The following ALPL variants were observed in gnomAD, a reference collection of about 807,000 sequenced individuals.
The protein encoded by ALPL is alkaline phosphatase, tissue-nonspecific isozyme.
In ALPL, 42 loss-of-function variants were observed where a neutral mutation model predicts 51.3. That is an observed-to-expected ratio of 0.82 (90% confidence interval 0.64 to 1.06). The LOEUF is 1.06. Ranked by LOEUF, ALPL falls within the 50% of genes least tolerant of loss-of-function variation. The pLI is 0.00. For synonymous variants in ALPL, 279 were observed against 296.4 expected (o/e 0.94, Z 0.60); for missense variants, 589 against 709.4 (o/e 0.83, Z 1.93).
At chr1:21,518,638 A>G (rs543356430) in intron 1 of ALPL, among the ~76,000 whole-genome samples, 1 of 152,140 alleles carries the variant, frequency 6.6e-6, no homozygotes, top group Non-Finnish European at 1.5e-5. Flanking sequence ...TCAGATTACC[A>G]TTTAAACATT....
chr1:21,560,639 C>A lies in ALPL; in HGVS notation c.75C>A (p.Asp25Glu). ...TNSLVPEKEK[D>E]PKYWRDQAQE... ...CTCTGTGTTTAGAGAAAGAGAAAGA[C>A]CCCAAGTACTGGCGAGACCAAGCGC... Residue 25 changes from aspartate to glutamate, a missense_variant, in exon 3 of 12, where the codon GAC (aspartate) becomes GAA (glutamate). Physicochemically the swap from Asp to Glu is conservative, Grantham distance 45. Coordinates refer to ENST00000374840, the MANE Select transcript of ALPL (RefSeq NM_000478.6). 3.7e-6 allele frequency: 6 copies of A among 1,614,094 alleles called. No homozygotes were observed. Among genetic ancestry groups the A allele is most frequent in the Non-Finnish European group, 5.1e-6 (6 of 1,180,006 alleles).
intron 1 of ALPL, among the ~76,000 whole-genome samples, chr1:21,515,601 T>A (rs12048719): frequency 1.3e-5 from 2 of 151,784 alleles, no homozygotes; most frequent in Admixed American, 6.6e-5. Flanking sequence ...GTCGGCCAGG[T>A]TGATCTTGAA....
intron 1 of ALPL, among the ~76,000 whole-genome samples, chr1:21,519,618 G>T (rs1643863880): frequency 6.6e-6 from 1 of 152,216 alleles, no homozygotes; most frequent in African/African-American, 2.4e-5. Context: ...CCAACATGGT[G>T]AAACCCTATC....
intron 9 of ALPL, chr1:21,574,696 C>T (rs1029566558): frequency 1.3e-5 from 2 of 152,266 alleles, no homozygotes; most frequent in Non-Finnish European, 2.9e-5. Flanking sequence ...CTTGGCCTGG[C>T]CCCGAACAGG....
chr1:21,554,815 G>GTCTTTCTTTCTTTCTT (rs60858822), intron 2 of ALPL, among the ~76,000 whole-genome samples: 9 of 83,684 alleles, frequency 1.1e-4, no homozygotes, highest in South Asian at 3.5e-4. Context: ...CTGTCTGTCT[G>GTCTTTCTTTCTTTCTT]TCTTTCTTTC....
intron 2 of ALPL, among the ~76,000 whole-genome samples, chr1:21,559,628 TC>T (rs1486222717): frequency 6.6e-6 from 1 of 152,204 alleles, no homozygotes; most frequent in African/African-American, 2.4e-5. Context: ...CAAGCAGTTC[TC>T]CTGCCTCAGC....
chr1:21,541,225 C>T (rs529697791), intron 1 of ALPL, among the ~76,000 whole-genome samples: 183 of 152,370 alleles, frequency 1.2e-3, no homozygotes, highest in African/African-American at 4.2e-3. Flanking sequence ...TGCTCCCCCT[C>T]CCCATAACCC....
At chr1:21,512,216 G>T (rs1279025691) in intron 1 of ALPL, among the ~76,000 whole-genome samples, 1 of 151,834 alleles carries the variant, frequency 6.6e-6, no homozygotes, top group Non-Finnish European at 1.5e-5. Flanking sequence ...TGTTAGATTT[G>T]TTTTTTTTCT....
chr1:21,552,124 T>TC (rs1451461973), intron 1 of ALPL, among the ~76,000 whole-genome samples: 47 of 3,694 alleles, frequency 0.013, 1 homozygote, highest in South Asian at 0.037. Context: ...TTCCCTTTCC[T>TC]CCCTCCCCTC....
chr1:21,537,716 A>G (rs867200259), intron 1 of ALPL, among the ~76,000 whole-genome samples: 14 of 152,208 alleles, frequency 9.2e-5, no homozygotes, highest in Admixed American at 2.6e-4. Context: ...GGTGGCACGT[A>G]CACTGGACAT....
intron 6 of ALPL, among the ~76,000 whole-genome samples, chr1:21,567,554 G>A (rs1406776350): frequency 6.6e-6 from 1 of 152,218 alleles, no homozygotes; most frequent in African/African-American, 2.4e-5. Context: ...CCGTGGGAGA[G>A]GAGGCTCTGG....
chr1:21,563,382 C>T (rs1644515017), intron 5 of ALPL, 98 bp downstream of exon 5: 2 of 1,385,206 alleles, frequency 1.4e-6, no homozygotes, highest in South Asian at 2.9e-5. Context: ...GAAAAGGCTT[C>T]TCTGTGGGGC....
intron 1 of ALPL, among the ~76,000 whole-genome samples, chr1:21,546,035 C>T (rs546354441): frequency 2.9e-4 from 44 of 151,984 alleles, no homozygotes; most frequent in African/African-American, 9.4e-4. Context: ...AGGATGGTCT[C>T]GATTTCCTGA....
At position 21,519,961 on chromosome 1, in the gene ALPL, G is replaced by A. The variant is rs958208809; in HGVS notation, c.-105+10444G>A. On this transcript the variant is annotated intron_variant, in intron 1 of 11. Coordinates refer to ENST00000374840, the MANE Select transcript of ALPL (RefSeq NM_000478.6). The stretch of plus-strand genomic sequence containing the variant: ...GGAACCTGAGGTCAGTGCTGGGAAC[G>A]CAGGAGTGGTGGCTCAGCAGAGGCA... 4.6e-5 allele frequency among the ~76,000 whole-genome samples: 7 copies of A among 152,264 alleles called. No homozygotes were observed. In the East Asian group the frequency reaches 5.8e-4, roughly 13 times the overall value.
intron 2 of ALPL, among the ~76,000 whole-genome samples, chr1:21,557,778 G>A (rs1197790167): frequency 6.6e-6 from 1 of 152,054 alleles, no homozygotes; most frequent in Non-Finnish European, 1.5e-5. Context: ...AAAGGGCACC[G>A]ATCTTAAATA....
intron 1 of ALPL, among the ~76,000 whole-genome samples, chr1:21,528,986 T>G (rs1294940207): frequency 6.6e-6 from 1 of 151,516 alleles, no homozygotes; most frequent in Non-Finnish European, 1.5e-5. Flanking sequence ...AGAGAATTGC[T>G]TGAACCCAGG....
intron 1 of ALPL, among the ~76,000 whole-genome samples, chr1:21,522,283 C>T (rs1371316666): frequency 3.3e-5 from 5 of 152,080 alleles, no homozygotes; most frequent in Non-Finnish European, 1.5e-5. Flanking sequence ...ACCATGTTAG[C>T]CAGGATGGTC....
chr1:21,523,981 TAGA>T (rs1389490895), intron 1 of ALPL, among the ~76,000 whole-genome samples: 2 of 148,016 alleles, frequency 1.4e-5, no homozygotes, highest in Non-Finnish European at 3.0e-5. Flanking sequence ...CCCCAAAGGG[TAGA>T]TACTCAAATC....
At chr1:21,530,187 A>G (rs1558531910) in intron 1 of ALPL, among the ~76,000 whole-genome samples, 1 of 152,172 alleles carries the variant, frequency 6.6e-6, no homozygotes, top group Non-Finnish European at 1.5e-5. Flanking sequence ...GGGAAAACGT[A>G]TGGCTCCTGG....
Sources: allele counts gnomAD v4.1 joint callset (sites outside exome capture counted in the v4.1 genomes callset), GRCh38; gene constraint gnomAD v4.1.1; transcripts MANE v1.5; gene names NCBI Gene and HGNC (gene_info 2026-07-23, HGNC 2026-07-21).